Variants in TEX9 observed in about 807,000 individuals in gnomAD.
TEX9 encodes the protein testis-expressed protein 9.
A neutral mutation model predicts 59.6 loss-of-function variants in TEX9; 74 were observed. The observed-to-expected ratio is 1.24, with a 90% CI of 1.03 to 1.51. The LOEUF is 1.51. TEX9 is among the 40% of genes most tolerant of loss of function. The pLI, the probability that TEX9 is intolerant of heterozygous loss-of-function variation, is 0.00. For synonymous variants in TEX9, 186 were observed against 152.2 expected, an observed-to-expected ratio of 1.22 and a Z score of -1.64; for missense variants, 522 against 447.8, an observed-to-expected ratio of 1.17 and a Z score of -1.49.
chr15:56,433,499 A>T (rs1442310417), intron 12 of TEX9, among the ~76,000 whole-genome samples: 2 of 152,048 alleles, frequency 1.3e-5, no homozygotes, highest in Non-Finnish European at 1.5e-5. Context: ...CTCACCCTAG[A>T]TCTCACTGGT....
At chr15:56,328,807 C>T (rs776092390) in intron 1 of TEX9, among the ~76,000 whole-genome samples, 2 of 152,074 alleles carry the variant, frequency 1.3e-5, no homozygotes, top group Non-Finnish European at 2.9e-5. Context: ...ATTTTTGACT[C>T]CAGGCCCTGA....
At chr15:56,244,816 C>T (rs2043806269) in intron 1 of TEX9, among the ~76,000 whole-genome samples, 1 of 151,792 alleles carries the variant, frequency 6.6e-6, no homozygotes, top group African/African-American at 2.4e-5. Flanking sequence ...GACTCCGCAC[C>T]ATTCCCCCCC....
rs1417448351 is a variant in TEX9, at chr15:56,269,722, G to A, written c.-107+25444G>A. On this transcript the variant is annotated intron_variant, in intron 1 of 5. Transcript: ENST00000560827. The stretch of plus-strand genomic sequence containing the variant: ...GGCTGGAGTACAGAGGTGTGATGTC[G>A]GCTCACTGCAAGCTCTGCCTCCCAG... Among the ~76,000 whole-genome samples the A allele has an allele frequency of 7.4e-5, 11 of 149,378 alleles. 1 individual carries two copies. The highest frequency in any genetic ancestry group is 3.0e-5 in the Non-Finnish European group (2 of 67,616).
At chr15:56,283,588 G>A (rs994177755) in intron 1 of TEX9, among the ~76,000 whole-genome samples, 5 of 151,966 alleles carry the variant, frequency 3.3e-5, no homozygotes, top group Admixed American at 1.3e-4. Context: ...CTCACTTCAC[G>A]TCTAGCATCA....
At chr15:56,313,563 G>C (rs1440245222) in intron 1 of TEX9, among the ~76,000 whole-genome samples, 2 of 134,474 alleles carry the variant, frequency 1.5e-5, no homozygotes, top group African/African-American at 5.3e-5. Context: ...GTATTTTATT[G>C]AGGATTTTTG....
At chr15:56,377,151 A>G (rs772492312) in intron 3 of TEX9, among the ~76,000 whole-genome samples, 89 of 152,184 alleles carry the variant, frequency 5.8e-4, no homozygotes, top group Non-Finnish European at 9.4e-4. Context: ...TGTTTTGGTT[A>G]CTATAGCACC....
At chr15:56,284,328 T>G (rs1216946566) in intron 1 of TEX9, among the ~76,000 whole-genome samples, 1 of 152,110 alleles carries the variant, frequency 6.6e-6, no homozygotes, top group Non-Finnish European at 1.5e-5. Context: ...AAAGAAGTAA[T>G]CCTAAATATT....
chr15:56,458,312 G>A, the TEX9 span, among the ~76,000 whole-genome samples: 2 of 151,910 alleles, frequency 1.3e-5, no homozygotes, highest in Non-Finnish European at 2.9e-5. Context: ...TGAAGTTTTG[G>A]GTTCACAACA....
intron 1 of TEX9, among the ~76,000 whole-genome samples, chr15:56,311,002 C>A (rs1429278622): frequency 5.3e-5 from 8 of 152,140 alleles, no homozygotes; most frequent in Non-Finnish European, 8.8e-5. Context: ...CCTCTCAACA[C>A]CCAAGTCTAG....
intron 1 of TEX9, among the ~76,000 whole-genome samples, chr15:56,357,640 G>T (rs1278522234): frequency 6.6e-6 from 1 of 152,014 alleles, no homozygotes; most frequent in African/African-American, 2.4e-5. Context: ...AATTTTTTCA[G>T]ATATGTTATG....
intron 1 of TEX9, among the ~76,000 whole-genome samples, chr15:56,246,707 T>C (rs1262826515): frequency 6.6e-6 from 1 of 152,156 alleles, no homozygotes; most frequent in Admixed American, 6.5e-5. Flanking sequence ...CATGACTTTT[T>C]AAGATAACAC....
At chr15:56,405,116 A>C (rs1367432108) in intron 9 of TEX9, among the ~76,000 whole-genome samples, 1 of 152,074 alleles carries the variant, frequency 6.6e-6, no homozygotes, top group Non-Finnish European at 1.5e-5. Context: ...TGTACCCTAG[A>C]ACTTAAAAGT....
At chr15:56,439,219 G>C (rs1387504208) in intron 12 of TEX9, among the ~76,000 whole-genome samples, 2 of 152,052 alleles carry the variant, frequency 1.3e-5, no homozygotes, top group Non-Finnish European at 2.9e-5. Flanking sequence ...AACAAAACAC[G>C]TACAGGATTT....
chr15:56,325,753 A>T (rs141255530), intron 1 of TEX9, among the ~76,000 whole-genome samples: 7 of 152,364 alleles, frequency 4.6e-5, no homozygotes, highest in African/African-American at 1.7e-4. Flanking sequence ...ACAACTGAGT[A>T]TATAAAACAA....
At chr15:56,327,334 T>C (rs2046040427) in intron 1 of TEX9, among the ~76,000 whole-genome samples, 1 of 152,214 alleles carries the variant, frequency 6.6e-6, no homozygotes, top group Admixed American at 6.5e-5. Context: ...TTCAGTTTCA[T>C]TGAACAATGA....
intron 1 of TEX9, among the ~76,000 whole-genome samples, chr15:56,246,668 T>C (rs2043865573): frequency 6.6e-6 from 1 of 152,326 alleles, no homozygotes; most frequent in South Asian, 2.1e-4. Flanking sequence ...TTTGACTCTC[T>C]GGTAAATAAG....
chr15:56,309,221 T>C (rs2045548837), intron 1 of TEX9, among the ~76,000 whole-genome samples: 1 of 152,208 alleles, frequency 6.6e-6, no homozygotes, highest in African/African-American at 2.4e-5. Context: ...TTTCATTAGG[T>C]TGAAGAAATT....
chr15:56,292,113 A>G (rs189498681), intron 1 of TEX9, among the ~76,000 whole-genome samples: 1 of 152,346 alleles, frequency 6.6e-6, no homozygotes, highest in East Asian at 1.9e-4. Flanking sequence ...TATGTTCCCC[A>G]TAGTTAGGAT....
chr15:56,459,538 T>G, the TEX9 span, among the ~76,000 whole-genome samples: 1 of 152,318 alleles, frequency 6.6e-6, no homozygotes, highest in South Asian at 2.1e-4. Flanking sequence ...TAAATGGGTG[T>G]TGTTTTAAGC....
Sources: allele counts gnomAD v4.1 joint callset (sites outside exome capture counted in the v4.1 genomes callset), GRCh38; gene constraint gnomAD v4.1.1; transcripts MANE v1.5; gene names NCBI Gene and HGNC (gene_info 2026-07-23, HGNC 2026-07-21).